Variants in LRRK2 observed in about 807,000 individuals in gnomAD.
The protein encoded by LRRK2 is leucine rich repeat kinase 2.
In LRRK2, 203 loss-of-function variants were observed where a neutral mutation model predicts 302.6. That is an observed-to-expected ratio of 0.67 (90% CI 0.60 to 0.75). The LOEUF (loss-of-function observed/expected upper bound fraction) is 0.75. Among genes scored for constraint, LRRK2 ranks in the 30% least tolerant of loss-of-function variants. The pLI is 0.00. For synonymous variants in LRRK2, 1,066 were observed against 1,031.9 expected (o/e 1.03, Z -0.63); for missense variants, 2,830 against 2,951.0 (o/e 0.96, Z 0.95).
chr12:40,336,688 GAAAACTGTACAGATTATGAAATGAAAC>G (rs1371707405), intron 40 of LRRK2, among the ~76,000 whole-genome samples: 1 of 152,192 alleles, frequency 6.6e-6, no homozygotes, highest in Admixed American at 6.5e-5. Context: ...AGAAACTACT[GAAAACTGTACAGATTATGAAATGAAAC>G]AGGGTGCAGG....
chr12:40,309,114 G>T lies in LRRK2; in HGVS notation c.4198G>T (p.Glu1400Ter). ...CTCTAATCTTTATTTAGGTCGTGAG[G>T]AATTCTATAGTACTCATCCCCATTT... ...LNVWDFAGRE[E>*]FYSTHPHFMT... is the part of the protein sequence containing the mutation. The change falls in exon 30 of 51, where the codon GAA (glutamate) becomes TAA (stop). Residue 1400 changes from glutamate (E) to a stop codon, truncating the protein, a stop_gained. Coordinates refer to ENST00000298910, the MANE Select transcript of LRRK2 (RefSeq NM_198578.4). LOFTEE classifies it high-confidence loss of function. 6.2e-7 allele frequency: 1 copy of T among 1,613,620 alleles called. No individual in the cohort carries two copies. The highest frequency in any genetic ancestry group is 8.5e-7 in the Non-Finnish European group (1 of 1,179,788).
rs891649025 is a variant in LRRK2, at chr12:40,299,170, A to G, written c.3409A>G (p.Ser1137Gly). The change falls in exon 25 of 51, where the codon AGT becomes GGT. Residue 1137 changes from serine (S) to glycine (G), a missense_variant. Around this residue, in one of 3 missense-constraint regions of LRRK2, gnomAD observed 2,121 missense variants for 2,148.0 expected, o/e 0.99. Coordinates refer to ENST00000298910, the MANE Select transcript of LRRK2 (RefSeq NM_198578.4). ...GAAGGAACTGAAGATTTTAAACCTT[A>G]GTAAGAACCACATTTCATCCCTATC... ...RLKELKILNLSKNHISSLSEN... is the reference protein window; with the variant it reads ...RLKELKILNLGKNHISSLSEN... The G allele has an allele frequency of 6.2e-7, 1 of 1,613,518 alleles. No homozygotes were observed. Among genetic ancestry groups the G allele is most frequent in the Non-Finnish European group, 8.5e-7 (1 of 1,179,746 alleles).
intron 33 of LRRK2, among the ~76,000 whole-genome samples, chr12:40,318,003 T>C (rs767969901): frequency 2.0e-5 from 3 of 152,062 alleles, no homozygotes; most frequent in South Asian, 2.1e-4. Context: ...ATGCATGTTT[T>C]TGGAGTATTG....
intron 13 of LRRK2, among the ~76,000 whole-genome samples, chr12:40,263,375 C>T (rs900258659): frequency 2.2e-5 from 3 of 139,448 alleles, no homozygotes; most frequent in African/African-American, 8.2e-5. Flanking sequence ...ATTCCAGCTA[C>T]TCTTTTTTGT....
intron 14 of LRRK2, among the ~76,000 whole-genome samples, chr12:40,265,490 A>G (rs1450059046): frequency 6.6e-6 from 1 of 152,238 alleles, no homozygotes; most frequent in East Asian, 1.9e-4. Flanking sequence ...AATTGGCACT[A>G]GGAAGACTCC....
chr12:40,293,063 A>G (rs1052261945), intron 20 of LRRK2, among the ~76,000 whole-genome samples: 1 of 152,052 alleles, frequency 6.6e-6, no homozygotes, highest in Non-Finnish European at 1.5e-5. Context: ...CAGGGAGTTA[A>G]TCCACTCTCT....
chr12:40,283,242 T>C (rs1469710547), intron 18 of LRRK2, among the ~76,000 whole-genome samples: 1 of 152,166 alleles, frequency 6.6e-6, no homozygotes, highest in Non-Finnish European at 1.5e-5. Flanking sequence ...TGAGTTGTTC[T>C]AGTTTTTGTG....
At chr12:40,349,671 C>T (rs115625901) in intron 43 of LRRK2, among the ~76,000 whole-genome samples, 1,865 of 149,576 alleles carry the variant, frequency 0.012, 37 homozygotes, top group African/African-American at 0.041. Context: ...GCCACCAGAC[C>T]TGGTTAACTT....
intron 16 of LRRK2, among the ~76,000 whole-genome samples, chr12:40,275,719 T>C (rs1184740103): frequency 6.6e-6 from 1 of 151,960 alleles, no homozygotes; most frequent in Non-Finnish European, 1.5e-5. Context: ...CAAGTGATTC[T>C]CTTGCCTCAG....
chr12:40,287,378 T>A lies in LRRK2; in HGVS notation c.2528T>A (p.Val843Glu). The A allele has an allele frequency of 6.2e-7, 1 of 1,612,474 alleles. No homozygotes were observed. Among genetic ancestry groups the A allele is most frequent in the Non-Finnish European group, 8.5e-7 (1 of 1,178,954 alleles). Residue 843 changes from valine to glutamate, a missense_variant, in exon 20 of 51, where the codon GTG (valine) becomes GAG (glutamate). Coordinates refer to ENST00000298910, the MANE Select transcript of LRRK2 (RefSeq NM_198578.4). Reference sequence around the variant, plus strand: ...ATAGCATCTACACTAGCAAGAATGGTGATCAGATATCAGATGAAAAGTGCT... The same window carrying A: ...ATAGCATCTACACTAGCAAGAATGGAGATCAGATATCAGATGAAAAGTGCT... ...TNIASTLARM[V>E]IRYQMKSAVE...
chr12:40,316,445 G>A (rs1258502411), intron 33 of LRRK2: 1 of 544,640 alleles, frequency 1.8e-6, no homozygotes, highest in Non-Finnish European at 2.3e-6. Flanking sequence ...CTGCACATAT[G>A]TCATGGATAA....
In LRRK2 at chr12:40,298,839, T is replaced by TGTA. The variant is rs1491198438; in HGVS notation, c.3348-270_3348-269insGTA. ...ATATATAATACATATATTATATATA[T>TGTA]TTATTATATATAATACCTATATATT... On this transcript the variant is annotated intron_variant, in intron 24 of 50. Transcript: ENST00000298910. Among the ~76,000 whole-genome samples the TGTA allele has an allele frequency of 1.4e-3, 139 of 100,994 alleles. 1 individual carries two copies. Among genetic ancestry groups the TGTA allele is most frequent in the African/African-American group, 4.2e-3 (122 of 28,918 alleles). 66.3% of individuals were successfully genotyped at this position (100,994 alleles called of 152,430 possible). A position where few individuals can be genotyped will look rare whatever the true frequency, so the allele number is the denominator to read the frequency against.
intron 50 of LRRK2, chr12:40,367,365 T>A: frequency 2.4e-6 from 1 of 415,682 alleles, no homozygotes; most frequent in Non-Finnish European, 4.2e-6. Flanking sequence ...AATGTCTAAT[T>A]TTGAACAGTG....
chr12:40,354,547 T>A, intron 45 of LRRK2, 55 bp downstream of exon 45: 1 of 1,469,648 alleles, frequency 6.8e-7, no homozygotes, highest in Non-Finnish European at 9.5e-7. Context: ...AACGACTGAA[T>A]TGTGTGCATA....
At chr12:40,237,229 G>A (rs1441973785) in intron 4 of LRRK2, among the ~76,000 whole-genome samples, 1 of 152,164 alleles carries the variant, frequency 6.6e-6, no homozygotes, top group Non-Finnish European at 1.5e-5. Flanking sequence ...GAAAGGTCTT[G>A]TTTTTCATAC....
Position 40,225,117 on chromosome 12 carries a change from G to T in LRRK2, c.-15G>T. ...TTCATGCTGGGAGGGCGGCGGGTTG[G>T]AAGCAGGTGCCACCATGGCTAGTGG... On this transcript the variant is annotated 5_prime_UTR_variant, in exon 1 of 51. Transcript: ENST00000298910. 6.2e-7 allele frequency: 1 copy of T among 1,613,456 alleles called. No individual in the cohort carries two copies. Among genetic ancestry groups the T allele is most frequent in the Non-Finnish European group, 8.5e-7 (1 of 1,179,978 alleles).
At chr12:40,313,188 TTCTTAACGGCAC>T (rs1945092717) in intron 31 of LRRK2, among the ~76,000 whole-genome samples, 1 of 152,054 alleles carries the variant, frequency 6.6e-6, no homozygotes, top group South Asian at 2.1e-4. Context: ...CATCTGGTGG[TTCTTAACGGCAC>T]TCTGGATATT....
At chr12:40,329,262 T>C (rs993295031) in intron 39 of LRRK2, among the ~76,000 whole-genome samples, 1 of 152,218 alleles carries the variant, frequency 6.6e-6, no homozygotes, top group Non-Finnish European at 1.5e-5. Context: ...TTTCCTGATA[T>C]AGTAACAATT....
At chr12:40,273,203 C>G (rs1211301694) in intron 14 of LRRK2, among the ~76,000 whole-genome samples, 7 of 152,170 alleles carry the variant, frequency 4.6e-5, no homozygotes, top group African/African-American at 1.7e-4. Flanking sequence ...TAACTTACCA[C>G]TTCTTAGCAG....
Sources: allele counts gnomAD v4.1 joint callset (sites outside exome capture counted in the v4.1 genomes callset), GRCh38; gene constraint gnomAD v4.1.1; regional missense constraint gnomAD v4.1.1; transcripts MANE v1.5; gene names NCBI Gene and HGNC (gene_info 2026-07-23, HGNC 2026-07-21).